Variants in MBNL2 observed in about 807,000 individuals in gnomAD.
MBNL2 encodes muscleblind like splicing regulator 2.
Under a neutral mutation model 41.9 loss-of-function variants are expected in MBNL2, and 17 were observed. That is an observed-to-expected ratio of 0.41 (90% CI 0.28 to 0.61). The LOEUF (loss-of-function observed/expected upper bound fraction) is 0.61. Among genes scored for constraint, MBNL2 ranks in the 20% least tolerant of loss-of-function variants. The pLI, the probability that MBNL2 is intolerant of heterozygous loss-of-function variation, is 0.35. For missense variants in MBNL2, 336 were observed against 505.6 expected (o/e 0.66, Z 3.22); for synonymous variants, 195 against 182.9 (o/e 1.07, Z -0.53).
intron 8 of MBNL2, among the ~76,000 whole-genome samples, chr13:97,380,465 G>A (rs528491159): frequency 7.3e-5 from 11 of 151,008 alleles, no homozygotes; most frequent in Non-Finnish European, 1.6e-4. Context: ...TTGCACTCCA[G>A]CCTGGGCAAC....
In MBNL2 at chr13:97,289,168, TGGGTG is replaced by T. The variant is rs144813966; in HGVS notation, c.174+12760_174+12764del. Among the ~76,000 whole-genome samples, 1,493 of 152,322 alleles carry T rather than the reference TGGGTG, an allele frequency of 9.8e-3. 25 individuals carry two copies. Among genetic ancestry groups the T allele is most frequent in the African/African-American group, 0.035 (1,453 of 41,560 alleles). On this transcript the variant is annotated intron_variant, in intron 2 of 8. Coordinates refer to ENST00000679496, the MANE Select transcript of MBNL2 (RefSeq NM_001382683.1). ...TCTAATTTTTTACTGAATACTGATG[TGGGTG>T]CTTAGGTACATTAGTAATCAATCTT...
intron 1 of MBNL2, among the ~76,000 whole-genome samples, chr13:97,267,318 A>G (rs946690884): frequency 6.6e-6 from 1 of 152,234 alleles, no homozygotes; most frequent in Non-Finnish European, 1.5e-5. Context: ...TAACACTTAG[A>G]AGAGTTCTTA....
At chr13:97,224,001 G>T in intron 1 of MBNL2, among the ~76,000 whole-genome samples, 1 of 152,094 alleles carries the variant, frequency 6.6e-6, no homozygotes, top group East Asian at 1.9e-4. Context: ...TTATATTTTC[G>T]CCTGTCTTTT....
intron 2 of MBNL2, among the ~76,000 whole-genome samples, chr13:97,277,223 G>T (rs770918358): frequency 6.6e-6 from 1 of 152,154 alleles, no homozygotes. Flanking sequence ...TCTAGAAGTG[G>T]CATGAGTTAA....
intron 1 of MBNL2, among the ~76,000 whole-genome samples, chr13:97,232,598 T>C (rs975346855): frequency 7.9e-5 from 12 of 152,156 alleles, no homozygotes; most frequent in African/African-American, 2.7e-4. Context: ...GTCCACCAGT[T>C]CTTACTTGGG....
At chr13:97,205,826 T>C in the MBNL2 span, among the ~76,000 whole-genome samples, 1 of 152,218 alleles carries the variant, frequency 6.6e-6, no homozygotes, top group Admixed American at 6.5e-5. Flanking sequence ...ATGGAAGAAT[T>C]ACATGCACGA....
At chr13:97,324,690 G>T (rs911766311) in intron 2 of MBNL2, among the ~76,000 whole-genome samples, 12 of 152,190 alleles carry the variant, frequency 7.9e-5, no homozygotes, top group African/African-American at 2.9e-4. Context: ...TAGGAAGCCA[G>T]TCCAAGTCCC....
chr13:97,169,577 G>A, the MBNL2 span, among the ~76,000 whole-genome samples: 3,229 of 152,274 alleles, frequency 0.021, 85 homozygotes, highest in African/African-American at 0.074. Flanking sequence ...TTCTGAAAGC[G>A]TTTTGTGTTT....
intron 1 of MBNL2, among the ~76,000 whole-genome samples, chr13:97,226,143 G>A (rs752822083): frequency 8.5e-5 from 13 of 152,058 alleles, no homozygotes; most frequent in South Asian, 2.1e-4. Context: ...CCGACTGCAC[G>A]GCTCCAACTA....
At chr13:97,378,865 T>C (rs534802909) in intron 8 of MBNL2, among the ~76,000 whole-genome samples, 2 of 152,340 alleles carry the variant, frequency 1.3e-5, no homozygotes, top group South Asian at 4.1e-4. Context: ...ATATACATTA[T>C]TTCTCTTACT....
At chr13:97,287,466 A>T (rs926131438) in intron 2 of MBNL2, among the ~76,000 whole-genome samples, 13 of 152,202 alleles carry the variant, frequency 8.5e-5, no homozygotes, top group African/African-American at 3.1e-4. Flanking sequence ...TGATCAGATC[A>T]GGGCAATTAG....
At position 97,389,026 on chromosome 13, in the gene MBNL2, G is replaced by GCAGCAGTCACAGCTGAGAGTT. The variant is rs561775885; in HGVS notation, c.1049-2293_1049-2273dup. The stretch of plus-strand genomic sequence containing the variant: ...CAGAGTTTTCTGGCCTAGATGCCAG[G>GCAGCAGTCACAGCTGAGAGTT]CAGCAGTCACAGCTGAGAGTTCAAT... On this transcript the variant is annotated intron_variant, in intron 8 of 8. Transcript: ENST00000679496. 2.6e-3 allele frequency among the ~76,000 whole-genome samples: 390 copies of GCAGCAGTCACAGCTGAGAGTT among 152,320 alleles called. 3 individuals carry two copies. The highest frequency in any genetic ancestry group is 8.8e-3 in the African/African-American group (367 of 41,570).
chr13:97,287,721 CTTTTT>C (rs768809008), intron 2 of MBNL2, among the ~76,000 whole-genome samples: 9,058 of 113,888 alleles, frequency 0.08, 181 homozygotes, highest in African/African-American at 0.13. Context: ...CTTTTCTTTT[CTTTTT>C]TTTTTTTTTT....
rs1267021978 is a variant in MBNL2, at chr13:97,392,717, G to A, written c.*1268G>A. The A allele has an allele frequency of 2.6e-5, 4 of 152,150 alleles. No individual in the cohort carries two copies. The highest frequency in any genetic ancestry group is 7.3e-5 in the African/African-American group (3 of 41,332). The allele number at this position is 152,150 out of a possible 1,614,324, so 9.4% of individuals were successfully genotyped here. A position where few individuals can be genotyped will look rare whatever the true frequency, so the allele number is the denominator to read the frequency against. ...TTTAAAGTTTATTTTAAGCACTATC[G>A]TACCAAATATTTCATATTTCACATT... On this transcript the variant is annotated 3_prime_UTR_variant, in exon 9 of 9. Transcript: ENST00000679496.
chr13:97,363,877 G>A (rs765755641), intron 7 of MBNL2, among the ~76,000 whole-genome samples: 5 of 151,758 alleles, frequency 3.3e-5, no homozygotes, highest in South Asian at 2.1e-4. Context: ...GCCCTCCAGC[G>A]TGAACAGCTC....
At chr13:97,296,382 A>G (rs1479501799) in intron 2 of MBNL2, among the ~76,000 whole-genome samples, 1 of 152,208 alleles carries the variant, frequency 6.6e-6, no homozygotes, top group Non-Finnish European at 1.5e-5. Context: ...TTTAAATCAG[A>G]TATACACAAG....
the MBNL2 span, among the ~76,000 whole-genome samples, chr13:97,169,246 C>T: frequency 6.6e-6 from 1 of 152,174 alleles, no homozygotes; most frequent in Non-Finnish European, 1.5e-5. Flanking sequence ...GTAGTTCTTA[C>T]TGGACACTAC....
intron 8 of MBNL2, among the ~76,000 whole-genome samples, chr13:97,382,940 G>A (rs924423358): frequency 7.9e-5 from 12 of 152,094 alleles, no homozygotes; most frequent in East Asian, 1.9e-4. Flanking sequence ...AAACACAGTC[G>A]CATAACTCCC....
At chr13:97,261,302 G>A (rs935390141) in intron 1 of MBNL2, among the ~76,000 whole-genome samples, 1 of 151,898 alleles carries the variant, frequency 6.6e-6, no homozygotes, top group African/African-American at 2.4e-5. Context: ...TCACACACAT[G>A]CACACACATC....
Sources: gnomAD v4.1 joint callset for allele counts (sites outside exome capture counted in the v4.1 genomes callset) on GRCh38, gnomAD v4.1.1 for gene constraint, MANE v1.5 for transcripts, NCBI Gene and HGNC (gene_info 2026-07-23, HGNC 2026-07-21) for gene names.